Variants in HSD17B3 observed in about 807,000 individuals in gnomAD.
HSD17B3 encodes hydroxysteroid 17-beta dehydrogenase 3.
In HSD17B3, 29 loss-of-function variants were observed where a neutral mutation model predicts 41.1. That is an observed-to-expected ratio of 0.71 (90% CI 0.53 to 0.96). The LOEUF (loss-of-function observed/expected upper bound fraction) is 0.96. Ranked by LOEUF, HSD17B3 falls within the 40% of genes least tolerant of loss-of-function variation. The pLI is 0.00. For missense variants in HSD17B3, 323 were observed against 374.6 expected (o/e 0.86, Z 1.14); for synonymous variants, 126 against 145.6 (o/e 0.87, Z 0.97).
At chr9:96,268,165 T>C (rs1030645408) in intron 2 of HSD17B3, among the ~76,000 whole-genome samples, 1 of 152,194 alleles carries the variant, frequency 6.6e-6, no homozygotes, top group African/African-American at 2.4e-5. Context: ...CCTCAAATGA[T>C]CCACTGGCCT....
At chr9:96,272,792 C>T (rs1161517746) in intron 2 of HSD17B3, among the ~76,000 whole-genome samples, 1 of 151,876 alleles carries the variant, frequency 6.6e-6, no homozygotes, top group Non-Finnish European at 1.5e-5. Context: ...TTTGTATAGC[C>T]AAAAACTGGA....
chr9:96,259,219 C>T (rs1392505000), intron 2 of HSD17B3, among the ~76,000 whole-genome samples: 1 of 152,208 alleles, frequency 6.6e-6, no homozygotes, highest in Non-Finnish European at 1.5e-5. Context: ...TGCAACTCCA[C>T]CCTACGGAAG....
chr9:96,260,505 T>A (rs1490779062), intron 2 of HSD17B3, among the ~76,000 whole-genome samples: 1 of 152,126 alleles, frequency 6.6e-6, no homozygotes, highest in African/African-American at 2.4e-5. Flanking sequence ...AGTTTATAAT[T>A]TAAATTATAA....
chr9:96,251,376 C>T, intron 5 of HSD17B3, 42 bp downstream of exon 5: 1 of 1,558,898 alleles, frequency 6.4e-7, no homozygotes, highest in Non-Finnish European at 8.9e-7. Context: ...GGACCCAGAA[C>T]CTGGATAAGA....
intron 5 of HSD17B3, chr9:96,251,115 A>T (rs911606642): frequency 4.8e-6 from 2 of 415,416 alleles, no homozygotes; most frequent in Admixed American, 3.7e-5. Flanking sequence ...CGAATGTGTT[A>T]GGCAGAATTA....
At chr9:96,249,321 G>A (rs889268632) in intron 6 of HSD17B3, among the ~76,000 whole-genome samples, 31 of 152,154 alleles carry the variant, frequency 2.0e-4, no homozygotes, top group African/African-American at 7.2e-4. Flanking sequence ...ATGAATTTGA[G>A]CTTTGATTTA....
chr9:96,273,123 G>A (rs1478187440), intron 2 of HSD17B3, among the ~76,000 whole-genome samples: 2 of 152,164 alleles, frequency 1.3e-5, no homozygotes, highest in Admixed American at 6.5e-5. Flanking sequence ...GAATTGTTCT[G>A]TATCTTGACT....
At chr9:96,249,640 G>T in intron 6 of HSD17B3, 111 bp downstream of exon 6, 1 of 961,794 alleles carries the variant, frequency 1.0e-6, no homozygotes, top group Non-Finnish European at 1.7e-6. Context: ...ACTAAGTGTG[G>T]TTCGATTTCA....
intron 2 of HSD17B3, among the ~76,000 whole-genome samples, chr9:96,262,133 A>G (rs1397310085): frequency 4.0e-5 from 6 of 150,958 alleles, no homozygotes; most frequent in African/African-American, 1.5e-4. Context: ...AGTGAGTCCC[A>G]TGAGACTGCT....
chr9:96,242,054 T>G (rs1587713241), intron 9 of HSD17B3, among the ~76,000 whole-genome samples: 1 of 146,456 alleles, frequency 6.8e-6, no homozygotes, highest in East Asian at 2.0e-4. Flanking sequence ...TCCACAAAAG[T>G]TTTCTAGGTT....
chr9:96,284,559 T>C (rs1408705266), intron 2 of HSD17B3, among the ~76,000 whole-genome samples: 1 of 152,252 alleles, frequency 6.6e-6, no homozygotes, highest in Non-Finnish European at 1.5e-5. Context: ...ATGGTGTGCT[T>C]TCCTTTAAGG....
intron 3 of HSD17B3, 26 bp downstream of exon 3, chr9:96,254,842 T>A (rs1025241118): frequency 1.2e-6 from 2 of 1,600,468 alleles, no homozygotes; most frequent in Non-Finnish European, 1.7e-6. Context: ...TCCACACACA[T>A]CTCCCTTATT....
chr9:96,267,007 C>T (rs7042315), intron 2 of HSD17B3, among the ~76,000 whole-genome samples: 6,631 of 152,136 alleles, frequency 0.044, 497 homozygotes, highest in African/African-American at 0.15. Flanking sequence ...ACTACAAGAC[C>T]CACTCAACAC....
chr9:96,280,886 C>T (rs950304213), intron 2 of HSD17B3, among the ~76,000 whole-genome samples: 4 of 152,128 alleles, frequency 2.6e-5, no homozygotes, highest in Admixed American at 6.5e-5. Context: ...AGCGCCGTGA[C>T]AGTTTACAAA....
At chr9:96,243,606 A>T (rs1194308580) in intron 9 of HSD17B3, among the ~76,000 whole-genome samples, 2 of 152,232 alleles carry the variant, frequency 1.3e-5, no homozygotes, top group Admixed American at 1.3e-4. Flanking sequence ...ACACAACAAT[A>T]ACAAAACAAA....
chr9:96,270,674 G>A (rs1307960408), intron 2 of HSD17B3, among the ~76,000 whole-genome samples: 2 of 152,194 alleles, frequency 1.3e-5, no homozygotes, highest in African/African-American at 4.8e-5. Context: ...TGAAGTTATC[G>A]GGAACACTGT....
At chr9:96,244,204 G>T in intron 9 of HSD17B3, 125 bp downstream of exon 9, 1 of 947,018 alleles carries the variant, frequency 1.1e-6, no homozygotes, top group South Asian at 1.3e-5. Context: ...GACCACACAT[G>T]AGCAGCCAGA....
chr9:96,236,008 C>T (rs1836225313), intron 10 of HSD17B3, among the ~76,000 whole-genome samples: 2 of 151,222 alleles, frequency 1.3e-5, no homozygotes, highest in African/African-American at 4.9e-5. Flanking sequence ...CAGAGTCTCA[C>T]TATGTTGCCC....
At chr9:96,280,962 T>C (rs1313676423) in intron 2 of HSD17B3, among the ~76,000 whole-genome samples, 2 of 152,206 alleles carry the variant, frequency 1.3e-5, no homozygotes, top group Non-Finnish European at 2.9e-5. Flanking sequence ...AATCCGCCCC[T>C]TGTTTAGCAT....
Sources: allele counts gnomAD v4.1 joint callset (sites outside exome capture counted in the v4.1 genomes callset), GRCh38; gene constraint gnomAD v4.1.1; transcripts MANE v1.5; gene names NCBI Gene and HGNC (gene_info 2026-07-23, HGNC 2026-07-21).